The following CHMP1A variants were observed in gnomAD, a reference collection of about 807,000 sequenced individuals.
CHMP1A encodes the protein VPS46 homolog A.
A neutral mutation model predicts 27.0 loss-of-function variants in CHMP1A; 17 were observed. That is an observed-to-expected ratio of 0.63 (90% CI 0.43 to 0.95). CHMP1A has a LOEUF of 0.95. CHMP1A is among the 40% of genes least tolerant of loss of function. CHMP1A has a pLI of 0.00. For synonymous variants in CHMP1A, 131 were observed against 107.5 expected, an observed-to-expected ratio of 1.22 and a Z score of -1.35; for missense variants, 275 against 264.0, an observed-to-expected ratio of 1.04 and a Z score of -0.29.
Position 89,644,748 on chromosome 16 carries a change from A to G in CHMP1A, c.*1318T>C, listed in dbSNP as rs2059760437. ...CACGTCAGGGTCTCCACGTTCCTGCACGTAACACCCACGACACCACTGCAG... is the reference window on the plus strand; with the variant it reads ...CACGTCAGGGTCTCCACGTTCCTGCGCGTAACACCCACGACACCACTGCAG... On this transcript the variant is annotated 3_prime_UTR_variant, in exon 7 of 7. Coordinates refer to ENST00000397901, the MANE Select transcript of CHMP1A (RefSeq NM_002768.5). The G allele has an allele frequency of 6.6e-6, 1 of 152,402 alleles. No individual in the cohort carries two copies. Among genetic ancestry groups the G allele is most frequent in the Admixed American group, 6.5e-5 (1 of 15,284 alleles). 9.4% of individuals were successfully genotyped at this position (152,402 alleles called of 1,614,324 possible).
intron 3 of CHMP1A, among the ~76,000 whole-genome samples, chr16:89,650,649 T>C (rs1439417794): frequency 6.6e-6 from 1 of 151,088 alleles, no homozygotes; most frequent in African/African-American, 2.4e-5. Flanking sequence ...CTACTAAAAA[T>C]ACAAAAATTA....
At chr16:89,646,505 G>A in intron 6 of CHMP1A, 22 bp downstream of exon 6, 2 of 1,548,854 alleles carry the variant, frequency 1.3e-6, no homozygotes, top group Non-Finnish European at 1.7e-6. Flanking sequence ...TGGTGACACA[G>A]CGTTTCGGGG....
chr16:89,653,601 C>T (rs1217092025), intron 2 of CHMP1A, among the ~76,000 whole-genome samples: 10 of 118,610 alleles, frequency 8.4e-5, no homozygotes, highest in African/African-American at 1.6e-4. Flanking sequence ...CCAGCCTGGG[C>T]GACGGAGTGA....
chr16:89,649,443 G>C lies in CHMP1A; in HGVS notation c.160C>G (p.Arg54Gly). The change falls in exon 4 of 7, where the codon CGC becomes GGC. Residue 54 changes from arginine (R) to glycine (G), a missense_variant. Transcript: ENST00000397901. ...CAGTTCACACCTTCGTTCTTCTTGCGGATGGCGTTCTCGGCATACACACGG... is the reference window on the plus strand; with the variant it reads ...CAGTTCACACCTTCGTTCTTCTTGCCGATGGCGTTCTCGGCATACACACGG... ...CARVYAENAIRKKNEGVNWLR... is the reference protein window; with the variant it reads ...CARVYAENAIGKKNEGVNWLR... 6.2e-7 allele frequency: 1 copy of C among 1,613,740 alleles called. No individual in the cohort carries two copies. Among genetic ancestry groups the C allele is most frequent in the South Asian group, 1.1e-5 (1 of 91,084 alleles).
chr16:89,647,308 C>T lies in CHMP1A; in HGVS notation c.276G>A (p.Val92=). ...TCAGGGCCTTGTCCAGGGCTTTGGT[C>T]ACCTGGGCCATATTCTTGGTCACCT... ...MKGVTKNMAQ[V]TKALDKALST... Residue 92 remains valine, a synonymous_variant, in exon 5 of 7, where the codon GTG becomes GTA. Transcript: ENST00000397901. The T allele has an allele frequency of 6.2e-7, 1 of 1,610,642 alleles. No homozygotes were observed. The highest frequency in any genetic ancestry group is 8.5e-7 in the Non-Finnish European group (1 of 1,177,712).
intron 5 of CHMP1A, chr16:89,646,961 C>T (rs890829465): frequency 1.2e-5 from 16 of 1,339,588 alleles, no homozygotes; most frequent in Admixed American, 6.6e-5. Flanking sequence ...CCTCTGCATG[C>T]TTGTCTGCCA....
In CHMP1A at chr16:89,646,481, C is replaced by T. The variant is rs460879; in HGVS notation, c.569+46G>A. On this transcript the variant is annotated intron_variant, in intron 6 of 6. Transcript: ENST00000397901. ...CAACCCTCTCTCCCTTCCCACAGCA[C>T]CAGAGCGTGGGGTTGGTGACACAGC... is the stretch of plus-strand genomic sequence containing the variant. 0.43 allele frequency: 641,762 copies of T among 1,503,282 alleles called. 140,236 individuals carry two copies. Among genetic ancestry groups the T allele is most frequent in the Middle Eastern group, 0.59 (2,757 of 4,702 alleles). The allele number at this position is 1,503,282 out of a possible 1,614,324, so 93.1% of individuals were successfully genotyped here.
At chr16:89,647,643 C>T (rs1177541106) in intron 4 of CHMP1A, among the ~76,000 whole-genome samples, 4 of 67,746 alleles carry the variant, frequency 5.9e-5, no homozygotes, top group African/African-American at 1.3e-4. Flanking sequence ...AGGCCGCCGA[C>T]GTGGGGACCC....
In CHMP1A at chr16:89,647,185, AGGGTAGGGG is replaced by A. The variant is rs2059781550; in HGVS notation, c.381+9_381+17del. On this transcript the variant is annotated intron_variant, in intron 5 of 6. Coordinates refer to ENST00000397901, the MANE Select transcript of CHMP1A (RefSeq NM_002768.5). ...TCCTTGTCCCCAGGCCACAGCCCCA[AGGGTAGGGG>A]CCACATACCGATGTATGGACGTCCA... The A allele has an allele frequency of 6.2e-7, 1 of 1,606,556 alleles. No individual in the cohort carries two copies. Among genetic ancestry groups the A allele is most frequent in the Non-Finnish European group, 8.5e-7 (1 of 1,177,464 alleles).
intron 5 of CHMP1A, 57 bp from the exon 6 acceptor site, chr16:89,646,771 T>C: frequency 1.3e-6 from 2 of 1,545,544 alleles, no homozygotes; most frequent in Non-Finnish European, 1.8e-6. Flanking sequence ...GGGGCCCCAC[T>C]CAGCTTCACA....
In CHMP1A at chr16:89,649,598, C is replaced by A. The variant is rs909021632; in HGVS notation, c.106-101G>T. The A allele has an allele frequency of 5.6e-6, 8 of 1,420,498 alleles. No individual in the cohort carries two copies. The African/African-American group carries it at 1.1e-4, about 20-fold the overall frequency. The allele number at this position is 1,420,498 out of a possible 1,614,324, so 88.0% of individuals were successfully genotyped here. A position where few individuals can be genotyped will look rare whatever the true frequency, so the allele number is the denominator to read the frequency against. On this transcript the variant is annotated intron_variant, in intron 3 of 6. Transcript: ENST00000397901. ...TTGTTTTGTTTTGTTTTGTTTGAGA[C>A]GGAGTCTTGCTCTGTTGCCCAGGCT...
chr16:89,647,067 G>GGAT (rs2059780217), intron 5 of CHMP1A, 136 bp downstream of exon 5: 1 of 1,533,222 alleles, frequency 6.5e-7, no homozygotes, highest in Non-Finnish European at 8.7e-7. Flanking sequence ...CCAGCACAGA[G>GGAT]GATGCTTGGT....
At chr16:89,652,012 A>AG (rs1480284450) in intron 2 of CHMP1A, among the ~76,000 whole-genome samples, 1 of 152,210 alleles carries the variant, frequency 6.6e-6, no homozygotes, top group Non-Finnish European at 1.5e-5. Flanking sequence ...AACGTCAAAG[A>AG]AAGACTGAAG....
intron 1 of CHMP1A, among the ~76,000 whole-genome samples, chr16:89,656,189 T>G (rs944335035): frequency 3.9e-5 from 6 of 152,310 alleles, no homozygotes; most frequent in African/African-American, 1.4e-4. Flanking sequence ...CAGGCTGGAG[T>G]GAAGTGGCGC....
intron 2 of CHMP1A, 138 bp from the exon 3 acceptor site, chr16:89,651,784 A>G (rs1266611688): frequency 5.1e-6 from 4 of 786,866 alleles, no homozygotes; most frequent in Non-Finnish European, 7.9e-6. Flanking sequence ...TGGGCCCAGC[A>G]CACCGCAGGG....
At chr16:89,647,402 C>A (rs2059783809) in intron 4 of CHMP1A, 71 bp from the exon 5 acceptor site, 3 of 1,470,218 alleles carry the variant, frequency 2.0e-6, no homozygotes, top group East Asian at 2.3e-5. Flanking sequence ...GGGACGGGTC[C>A]CCTGGACTCT....
rs1168687967 is a variant in CHMP1A, at chr16:89,646,521, C to T, written c.569+6G>A. ...GGTGACACAGCGTTTCGGGGACCGA[C>T]CCTACCTCCGTGACAGCTGGTCCTC... is the stretch of plus-strand genomic sequence containing the variant. On this transcript the variant is annotated splice_donor_region_variant and intron_variant, in intron 6 of 6. Coordinates refer to ENST00000397901, the MANE Select transcript of CHMP1A (RefSeq NM_002768.5). 6.4e-7 allele frequency: 1 copy of T among 1,571,544 alleles called. No homozygotes were observed. The highest frequency in any genetic ancestry group is 1.9e-5 in the Admixed American group (1 of 54,016).
Position 89,647,348 on chromosome 16 carries a change from C to A in CHMP1A, c.253-17G>T. ...CTTGGTCACCTGAGACAGGAGAGAG[C>A]GCAGGAGGGAACAGGATGAAAGGCA... On this transcript the variant is annotated splice_polypyrimidine_tract_variant and intron_variant, in intron 4 of 6. Coordinates refer to ENST00000397901, the MANE Select transcript of CHMP1A (RefSeq NM_002768.5). 1.9e-6 allele frequency: 3 copies of A among 1,600,154 alleles called. No individual in the cohort carries two copies. The highest frequency in any genetic ancestry group is 1.7e-6 in the Non-Finnish European group (2 of 1,169,646).
chr16:89,645,856 C>A lies in CHMP1A; in HGVS notation c.*210G>T. On this transcript the variant is annotated 3_prime_UTR_variant, in exon 7 of 7. Transcript: ENST00000397901. ...CACAGAAATCACCCCCAGAAATTTG[C>A]AGAAACTCAACACCAGGACACAGAC... The A allele has an allele frequency of 6.6e-7, 1 of 1,508,984 alleles. No individual in the cohort carries two copies. The highest frequency in any genetic ancestry group is 2.2e-5 in the Admixed American group (1 of 45,914). 93.5% of individuals were successfully genotyped at this position (1,508,984 alleles called of 1,614,324 possible). A position where few individuals can be genotyped will look rare whatever the true frequency, so the allele number is the denominator to read the frequency against.
Sources: allele counts gnomAD v4.1 joint callset (sites outside exome capture counted in the v4.1 genomes callset), GRCh38; gene constraint gnomAD v4.1.1; transcripts MANE v1.5; gene names NCBI Gene and HGNC (gene_info 2026-07-23, HGNC 2026-07-21).